CLCN5: variants seen among roughly 807,000 people sequenced by gnomAD.
CLCN5 encodes H(+)/Cl(-) exchange transporter 5.
A neutral mutation model predicts 54.0 loss-of-function variants in CLCN5; 17 were observed. The ratio of observed to expected loss-of-function variants is 0.31; its 90% CI spans 0.22 to 0.47. The LOEUF (loss-of-function observed/expected upper bound fraction) is 0.47, where lower values mean the gene tolerates loss of function less well. Among genes scored for constraint, CLCN5 ranks in the 20% least tolerant of loss-of-function variants. The probability of loss-of-function intolerance (pLI) is 1.00; values close to 1 mark genes in which losing one functional copy is unlikely to be tolerated. For missense variants in CLCN5, 448 were observed against 646.7 expected (o/e 0.69, Z 3.33); for synonymous variants, 222 against 233.0 (o/e 0.95, Z 0.43).
rs145735445 is a variant in CLCN5, at chrX:50,045,398, G to A, written c.163+2936G>A. On this transcript the variant is annotated intron_variant, in intron 4 of 14. Coordinates refer to ENST00000376091, the MANE Select transcript of CLCN5 (RefSeq NM_001127898.4). The stretch of plus-strand genomic sequence containing the variant: ...ACCAATCACTGACTTTAGTGAAGTG[G>A]TCAGTTAGGGGGATTCATAAGCTTA... 6.3e-3 allele frequency among the ~76,000 whole-genome samples: 704 copies of A among 112,046 alleles called. 4 individuals carry two copies. The highest frequency in any genetic ancestry group is 0.018 in the Middle Eastern group (4 of 217).
At chrX:50,062,995 A>G (rs1932886092) in intron 4 of CLCN5, among the ~76,000 whole-genome samples, 1 of 110,553 alleles carries the variant, frequency 9.0e-6, no homozygotes, top group Non-Finnish European at 1.9e-5. Context: ...AATCTCTGGG[A>G]CGCATTCAAA....
chrX:49,930,153 T>C (rs1925570289), intron 3 of CLCN5, among the ~76,000 whole-genome samples: 1 of 111,543 alleles, frequency 9.0e-6, no homozygotes, highest in African/African-American at 3.3e-5. Context: ...AGCAGTCAAA[T>C]AAAGGGGAAT....
chrX:50,057,858 T>G (rs2147508326), intron 4 of CLCN5, among the ~76,000 whole-genome samples: 1 of 110,321 alleles, frequency 9.1e-6, no homozygotes, highest in South Asian at 4.0e-4. Context: ...TAATGTACTA[T>G]CAGACAAATA....
chrX:50,058,199 T>A (rs1932796363), intron 4 of CLCN5, among the ~76,000 whole-genome samples: 1 of 111,900 alleles, frequency 8.9e-6, no homozygotes, highest in Admixed American at 9.5e-5. Context: ...TTTCTTTGAA[T>A]GCTTATTTAT....
chrX:49,976,262 G>A (rs1212940102), intron 3 of CLCN5, among the ~76,000 whole-genome samples: 26 of 112,425 alleles, frequency 2.3e-4, no homozygotes, highest in Non-Finnish European at 4.5e-4. Flanking sequence ...AACCCTCCAG[G>A]GGATTATGAT....
chrX:49,940,105 C>G (rs781966834), intron 3 of CLCN5, among the ~76,000 whole-genome samples: 23 of 111,346 alleles, frequency 2.1e-4, no homozygotes, highest in African/African-American at 7.5e-4. Flanking sequence ...CAACTCCTAG[C>G]TATGTGATGT....
intron 3 of CLCN5, among the ~76,000 whole-genome samples, chrX:50,019,026 T>C (rs1930930004): frequency 1.8e-5 from 2 of 112,147 alleles, no homozygotes; most frequent in East Asian, 5.6e-4. Context: ...CAATTTTGTC[T>C]TTAAATGTTT....
chrX:49,932,340 G>A (rs1054988001), intron 3 of CLCN5, among the ~76,000 whole-genome samples: 1 of 112,471 alleles, frequency 8.9e-6, no homozygotes, highest in African/African-American at 3.2e-5. Flanking sequence ...TGTTGCACTG[G>A]CTGTCTCCAG....
chrX:50,039,096 T>C (rs1932111931), intron 3 of CLCN5, among the ~76,000 whole-genome samples: 2 of 110,484 alleles, frequency 1.8e-5, no homozygotes, highest in African/African-American at 6.6e-5. Context: ...CTGGCCAAAA[T>C]AGTGAGACCC....
chrX:50,026,815 C>T (rs180789503), intron 3 of CLCN5, among the ~76,000 whole-genome samples: 9 of 111,032 alleles, frequency 8.1e-5, no homozygotes, highest in Non-Finnish European at 1.3e-4. Context: ...TGTTTTACCC[C>T]GGCAACTTTG....
chrX:50,089,463 TCTG>T (rs1934009252), intron 12 of CLCN5, among the ~76,000 whole-genome samples: 1 of 112,815 alleles, frequency 8.9e-6, no homozygotes, highest in African/African-American at 3.2e-5. Flanking sequence ...GAATTTTTAC[TCTG>T]CTTATTTATT....
At chrX:49,942,524 G>A (rs1557171169) in intron 3 of CLCN5, among the ~76,000 whole-genome samples, 2 of 108,180 alleles carry the variant, frequency 1.8e-5, no homozygotes, top group Admixed American at 2.0e-4. Context: ...ATTTACATTA[G>A]GTATACCTCC....
At chrX:50,089,769 C>T (rs1002531250) in intron 12 of CLCN5, among the ~76,000 whole-genome samples, 1 of 111,351 alleles carries the variant, frequency 9.0e-6, no homozygotes, top group Non-Finnish European at 1.9e-5. Flanking sequence ...CCTGTAGTCT[C>T]AGCTACTCAG....
At chrX:50,008,829 T>C (rs1439400555) in intron 3 of CLCN5, 7 of 317,195 alleles carry the variant, frequency 2.2e-5, no homozygotes, top group Non-Finnish European at 2.5e-5. Flanking sequence ...GGAGAAAAGA[T>C]TCTCTGCCTT....
chrX:50,067,862 G>C (rs1933089383), intron 4 of CLCN5: 1 of 301,320 alleles, frequency 3.3e-6, no homozygotes, highest in South Asian at 1.7e-4. Context: ...ATCACTGCCT[G>C]CTCTTTGAGA....
intron 7 of CLCN5, among the ~76,000 whole-genome samples, chrX:50,076,687 C>T (rs147138826): frequency 9.0e-6 from 1 of 110,829 alleles, no homozygotes; most frequent in Non-Finnish European, 1.9e-5. Flanking sequence ...ACCACCACAC[C>T]TAGATAATTT....
chrX:50,079,839 G>A (rs1557192759), intron 7 of CLCN5, among the ~76,000 whole-genome samples: 1 of 110,901 alleles, frequency 9.0e-6, no homozygotes, highest in African/African-American at 3.3e-5. Context: ...AATTTGCAGT[G>A]AGGTAGGGTG....
chrX:50,003,023 T>C lies in CLCN5; in HGVS notation c.17-39293T>C, dbSNP rs781884540. Reference sequence around the variant, plus strand: ...AAATATGTTGTAGATAGTGAACATTTCTGAAGGTACATATGTGAATGTACA... The same window carrying C: ...AAATATGTTGTAGATAGTGAACATTCCTGAAGGTACATATGTGAATGTACA... On this transcript the variant is annotated intron_variant, in intron 3 of 14. Transcript: ENST00000376091. 13 of 241,382 alleles carry C rather than the reference T, an allele frequency of 5.4e-5. No individual in the cohort carries two copies. The South Asian group carries it at 5.6e-4, about 10-fold the overall frequency. 19.9% of individuals were successfully genotyped at this position (241,382 alleles called of 1,213,427 possible). A position where few individuals can be genotyped will look rare whatever the true frequency, so the allele number is the denominator to read the frequency against.
At chrX:50,023,010 G>C (rs1415322493) in intron 3 of CLCN5, among the ~76,000 whole-genome samples, 1 of 86,679 alleles carries the variant, frequency 1.2e-5, no homozygotes, top group Non-Finnish European at 2.1e-5. Flanking sequence ...GTGCAGAGCT[G>C]AGTTCAATTC....
Sources: allele counts gnomAD v4.1 joint callset (sites outside exome capture counted in the v4.1 genomes callset), GRCh38; gene constraint gnomAD v4.1.1; transcripts MANE v1.5; gene names NCBI Gene and HGNC (gene_info 2026-07-23, HGNC 2026-07-21).